SULT1B1: variants seen among roughly 807,000 people sequenced by gnomAD.
SULT1B1 encodes the protein sulfotransferase family 1B member 1, also known as sulfotransferase 1B1.
In SULT1B1, 28 loss-of-function variants were observed where a neutral mutation model predicts 34.6. The observed-to-expected ratio is 0.81, with a 90% CI of 0.60 to 1.11. The LOEUF (loss-of-function observed/expected upper bound fraction) is 1.11. Among genes scored for constraint, SULT1B1 ranks in the 50% least tolerant of loss-of-function variants. SULT1B1 has a pLI of 0.00. For missense variants in SULT1B1, 374 were observed against 352.2 expected (o/e 1.06, Z -0.50); for synonymous variants, 147 against 110.2 (o/e 1.33, Z -2.09).
intron 4 of SULT1B1, among the ~76,000 whole-genome samples, chr4:69,747,364 G>A (rs1323512474): frequency 2.0e-5 from 3 of 152,218 alleles, no homozygotes; most frequent in East Asian, 3.9e-4. Context: ...CTGGAAGTTA[G>A]GGGCTGCTGG....
Position 69,755,036 on chromosome 4 carries a change from G to T in SULT1B1, c.148+34C>A, listed in dbSNP as rs775456382. ...TGATTTCCAGGAAACAAAAAATGAG[G>T]TCGGACTTGAATTTGTCAGGCCACA... On this transcript the variant is annotated intron_variant, in intron 2 of 7. Transcript: ENST00000310613. 5.5e-5 allele frequency: 85 copies of T among 1,559,524 alleles called. No homozygotes were observed. The East Asian group carries it at 1.9e-3, about 34-fold the overall frequency.
chr4:69,749,597 G>A, intron 4 of SULT1B1, 124 bp downstream of exon 4: 1 of 562,188 alleles, frequency 1.8e-6, no homozygotes, highest in South Asian at 3.1e-5. Context: ...AACGTGAGTG[G>A]GTATAGTATA....
intron 4 of SULT1B1, among the ~76,000 whole-genome samples, chr4:69,745,961 T>A (rs1718731788): frequency 1.3e-5 from 2 of 152,208 alleles, no homozygotes; most frequent in African/African-American, 4.8e-5. Flanking sequence ...GTTCATCACT[T>A]ATGAAGCAGT....
intron 4 of SULT1B1, among the ~76,000 whole-genome samples, chr4:69,746,082 C>T (rs142182312): frequency 1.5e-4 from 23 of 152,284 alleles, no homozygotes; most frequent in Non-Finnish European, 2.5e-4. Flanking sequence ...CCACTGCTAG[C>T]CTGGTGAGGT....
intron 1 of SULT1B1, among the ~76,000 whole-genome samples, chr4:69,755,860 T>C (rs1437989055): frequency 6.6e-6 from 1 of 152,180 alleles, no homozygotes; most frequent in Non-Finnish European, 1.5e-5. Flanking sequence ...TTTCAGCCAT[T>C]ATTTCTTCAA....
In SULT1B1 at chr4:69,730,483, A is replaced by G. The variant is rs745387346; in HGVS notation, c.778+18T>C. The G allele has an allele frequency of 1.9e-6, 3 of 1,581,698 alleles. No homozygotes were observed. The highest frequency in any genetic ancestry group is 1.7e-6 in the Non-Finnish European group (2 of 1,156,044). On this transcript the variant is annotated intron_variant, in intron 7 of 7. Transcript: ENST00000310613. Reference sequence around the variant, plus strand: ...TAAGAAAGTACGAAAGGGAAATTAAACCCAGCAAAGTATTTACCTTTACGC... The same window carrying G: ...TAAGAAAGTACGAAAGGGAAATTAAGCCCAGCAAAGTATTTACCTTTACGC...
chr4:69,722,004 T>A lies in SULT1B1; in HGVS notation c.*5084A>T, dbSNP rs754736098. ...ATTAATTTTGCAGTATTCTGATTGA[T>A]TTCAAAGGGTATCAAATGTATTTGA... On this transcript the variant is annotated 3_prime_UTR_variant, in exon 8 of 8. Coordinates refer to ENST00000310613, the MANE Select transcript of SULT1B1 (RefSeq NM_014465.4). 3 of 152,136 alleles carry A rather than the reference T, an allele frequency of 2.0e-5. No homozygotes were observed. The highest frequency in any genetic ancestry group is 4.4e-5 in the Non-Finnish European group (3 of 67,998). The allele number at this position is 152,136 out of a possible 1,614,324, so 9.4% of individuals were successfully genotyped here.
chr4:69,725,189 C>T lies in SULT1B1; in HGVS notation c.*1899G>A, dbSNP rs1578041538. The T allele has an allele frequency of 2.0e-5, 3 of 151,786 alleles. No individual in the cohort carries two copies. The highest frequency in any genetic ancestry group is 4.8e-5 in the African/African-American group (2 of 41,244). The allele number at this position is 151,786 out of a possible 1,614,324, so 9.4% of individuals were successfully genotyped here. A position where few individuals can be genotyped will look rare whatever the true frequency, so the allele number is the denominator to read the frequency against. On this transcript the variant is annotated 3_prime_UTR_variant, in exon 8 of 8. Coordinates refer to ENST00000310613, the MANE Select transcript of SULT1B1 (RefSeq NM_014465.4). Reference sequence around the variant, plus strand: ...CAAATTTACAAGAAAAAAAAAACAACCCCATCAACAAGTGTGCAAAGAATA... The same window carrying T: ...CAAATTTACAAGAAAAAAAAAACAATCCCATCAACAAGTGTGCAAAGAATA...
intron 4 of SULT1B1, among the ~76,000 whole-genome samples, chr4:69,737,110 T>C (rs747653612): frequency 6.6e-6 from 1 of 151,734 alleles, no homozygotes; most frequent in Non-Finnish European, 1.5e-5. Flanking sequence ...AAGCCAGATA[T>C]ACAGCACATT....
chr4:69,733,507 A>G lies in SULT1B1; in HGVS notation c.503T>C (p.Val168Ala), dbSNP rs748291071. The G allele has an allele frequency of 6.3e-7, 1 of 1,586,306 alleles. No individual in the cohort carries two copies. The highest frequency in any genetic ancestry group is 2.3e-5 in the East Asian group (1 of 43,532). Reference protein sequence around the residue: ...EYLEKFLTGKVAYGSWFTHVK... With the variant: ...EYLEKFLTGKAAYGSWFTHVK... ...ATGAGTAAACCAGGAACCATAGGCC[A>G]CTAAAACCAGATAAAAGTCTATTTT... Residue 168 changes from valine (V) to alanine (A), a missense_variant and splice_region_variant, in exon 6 of 8, where the codon GTG becomes GCG. By Grantham distance (64) the Val-to-Ala change is moderately conservative. Transcript: ENST00000310613.
chr4:69,736,040 T>C (rs549970486), intron 4 of SULT1B1, among the ~76,000 whole-genome samples: 1 of 152,230 alleles, frequency 6.6e-6, no homozygotes, highest in African/African-American at 2.4e-5. Flanking sequence ...TCTGTGCACT[T>C]GGGAGAGGGA....
chr4:69,736,490 T>G (rs1175818447), intron 4 of SULT1B1, among the ~76,000 whole-genome samples: 1 of 152,164 alleles, frequency 6.6e-6, no homozygotes, highest in Non-Finnish European at 1.5e-5. Context: ...TCGTCTTACA[T>G]CTTGGATACC....
rs148007908 is a variant in SULT1B1, at chr4:69,730,496, T to G, written c.778+5A>C. 2.1e-4 allele frequency: 333 copies of G among 1,595,556 alleles called. 1 individual carries two copies. The East Asian group carries it at 7.0e-3, about 33-fold the overall frequency. ...AAGGGAAATTAAACCCAGCAAAGTA[T>G]TTACCTTTACGCATAAAAGGGGATT... On this transcript the variant is annotated splice_donor_5th_base_variant and intron_variant, in intron 7 of 7. Transcript: ENST00000310613.
chr4:69,728,038 T>C (rs185335043), intron 7 of SULT1B1, among the ~76,000 whole-genome samples: 2 of 152,152 alleles, frequency 1.3e-5, no homozygotes, highest in East Asian at 3.9e-4. Context: ...CCTATAGATA[T>C]GCTTTTTTCC....
Position 69,739,205 on chromosome 4 carries a change from G to A in SULT1B1, c.376-4941C>T, listed in dbSNP as rs187136931. 4.2e-3 allele frequency among the ~76,000 whole-genome samples: 646 copies of A among 152,266 alleles called. 2 individuals carry two copies. The highest frequency in any genetic ancestry group is 0.015 in the African/African-American group (607 of 41,552). The stretch of plus-strand genomic sequence containing the variant: ...CCCTCTTCTCACAGCTCCACTAGGT[G>A]ATGCCCCAGTAGGGACTCTGTGTGG... On this transcript the variant is annotated intron_variant, in intron 4 of 7. Transcript: ENST00000310613.
Position 69,726,961 on chromosome 4 carries a change from C to A in SULT1B1, c.*127G>T. 3.5e-6 allele frequency: 2 copies of A among 579,522 alleles called. No homozygotes were observed. Among genetic ancestry groups the A allele is most frequent in the South Asian group, 3.4e-5 (1 of 29,488 alleles). 35.9% of individuals were successfully genotyped at this position (579,522 alleles called of 1,614,324 possible). On this transcript the variant is annotated 3_prime_UTR_variant, in exon 8 of 8. Coordinates refer to ENST00000310613, the MANE Select transcript of SULT1B1 (RefSeq NM_014465.4). ...TCTGATTAATAACATTGAAAAGAAT[C>A]AACATATTAAAAGCATATTATTCTC...
chr4:69,738,063 T>C (rs1245843630), intron 4 of SULT1B1, among the ~76,000 whole-genome samples: 1 of 152,166 alleles, frequency 6.6e-6, no homozygotes, highest in African/African-American at 2.4e-5. Flanking sequence ...CATCTTTGTG[T>C]CCACGTATAC....
intron 2 of SULT1B1, 36 bp from the exon 3 acceptor site, chr4:69,754,834 C>G (rs1044167735): frequency 1.9e-6 from 3 of 1,602,270 alleles, no homozygotes; most frequent in Non-Finnish European, 2.6e-6. Flanking sequence ...AATAATTACC[C>G]AAATTGCACG....
intron 7 of SULT1B1, among the ~76,000 whole-genome samples, chr4:69,727,899 T>C (rs75452987): frequency 0.014 from 2,200 of 152,168 alleles, 25 homozygotes; most frequent in Middle Eastern, 0.027. Flanking sequence ...ACTTTTAATG[T>C]ACTGCCAATA....
Sources: allele counts gnomAD v4.1 joint callset (sites outside exome capture counted in the v4.1 genomes callset), GRCh38; gene constraint gnomAD v4.1.1; transcripts MANE v1.5; gene names NCBI Gene and HGNC (gene_info 2026-07-23, HGNC 2026-07-21).